Variants in GPRC6A observed in about 807,000 individuals in gnomAD.
GPRC6A encodes the protein G protein-coupled receptor class C group 6 member A.
A neutral mutation model predicts 47.0 loss-of-function variants in GPRC6A; 54 were observed. The ratio of observed to expected loss-of-function variants is 1.15; its 90% confidence interval spans 0.92 to 1.44. The LOEUF (loss-of-function observed/expected upper bound fraction) is 1.44, where lower values mean the gene tolerates loss of function less well. Ranked by LOEUF, GPRC6A falls within the 40% of genes most tolerant of loss-of-function variation. GPRC6A has a pLI of 0.00. For missense variants in GPRC6A, 1,112 were observed against 1,105.5 expected, an observed-to-expected ratio of 1.01 and a Z score of -0.08; for synonymous variants, 347 against 377.1, an observed-to-expected ratio of 0.92 and a Z score of 0.93.
At chr6:116,816,841 C>T (rs1380917632) in intron 1 of GPRC6A, among the ~76,000 whole-genome samples, 8 of 152,272 alleles carry the variant, frequency 5.3e-5, no homozygotes, top group East Asian at 1.9e-4. Context: ...GCTTAAAAAA[C>T]GGCGCACTAC....
chr6:116,829,110 A>G, upstream of GPRC6A: 1 of 1,469,572 alleles, frequency 6.8e-7, no homozygotes, highest in Non-Finnish European at 9.1e-7. Flanking sequence ...AACACCTTAT[A>G]AGGTATAGGA....
chr6:116,814,235 C>T (rs968313653), intron 1 of GPRC6A, among the ~76,000 whole-genome samples: 3 of 152,168 alleles, frequency 2.0e-5, no homozygotes, highest in Admixed American at 6.5e-5. Flanking sequence ...ATCATTTGAC[C>T]TAGCAATCTC....
chr6:116,807,935 G>A (rs1772906449), intron 2 of GPRC6A, among the ~76,000 whole-genome samples: 7 of 151,808 alleles, frequency 4.6e-5, no homozygotes, highest in Admixed American at 3.9e-4. Context: ...ACCTTCTATA[G>A]ATGCAATAGT....
chr6:116,816,075 C>G (rs1346536761), intron 1 of GPRC6A, among the ~76,000 whole-genome samples: 1 of 152,194 alleles, frequency 6.6e-6, no homozygotes, highest in East Asian at 1.9e-4. Flanking sequence ...ATGTAACACA[C>G]TTTTATATTC....
chr6:116,805,504 C>T (rs1295440912), intron 3 of GPRC6A, among the ~76,000 whole-genome samples: 1 of 152,018 alleles, frequency 6.6e-6, no homozygotes, highest in Non-Finnish European at 1.5e-5. Context: ...TGCCTCAGGA[C>T]ATACAAGTTT....
rs185709000 is a variant in GPRC6A, at chr6:116,809,510, T to C, written c.302A>G (p.Asp101Gly). ...TGCCACTGTGACTTCTGTACAAGTGTCATAGATTTCATACCCCAGTTTGAC... is the reference window on the plus strand; with the variant it reads ...TGCCACTGTGACTTCTGTACAAGTGCCATAGATTTCATACCCCAGTTTGAC... ...PGVKLGYEIYDTCTEVTVAMA... is the reference protein window; with the variant it reads ...PGVKLGYEIYGTCTEVTVAMA... Residue 101 changes from aspartate (D) to glycine (G), a missense_variant, in exon 2 of 6, where the codon GAC becomes GGC. Transcript: ENST00000310357. 15 of 1,613,490 alleles carry C rather than the reference T, an allele frequency of 9.3e-6. No individual in the cohort carries two copies. In the African/African-American group the frequency reaches 1.9e-4, roughly 20 times the overall value.
intron 1 of GPRC6A, among the ~76,000 whole-genome samples, chr6:116,816,949 G>C (rs1051863530): frequency 9.2e-5 from 14 of 152,298 alleles, no homozygotes; most frequent in Non-Finnish European, 1.8e-4. Context: ...AGGTGGCAGC[G>C]AGGCTGGGGG....
chr6:116,820,944 G>A (rs1302344251), intron 1 of GPRC6A, among the ~76,000 whole-genome samples: 1 of 152,092 alleles, frequency 6.6e-6, no homozygotes, highest in Non-Finnish European at 1.5e-5. Flanking sequence ...TGACATGATT[G>A]TATATCTAGA....
At chr6:116,819,697 A>G (rs1199251830) in intron 1 of GPRC6A, among the ~76,000 whole-genome samples, 4 of 152,276 alleles carry the variant, frequency 2.6e-5, no homozygotes, top group Admixed American at 6.5e-5. Flanking sequence ...TCTCTGGGAC[A>G]CATTCAAAGC....
intron 1 of GPRC6A, among the ~76,000 whole-genome samples, chr6:116,818,263 G>T (rs77568013): frequency 6.6e-6 from 1 of 151,708 alleles, no homozygotes; most frequent in Non-Finnish European, 1.5e-5. Context: ...GGCCGGGCGC[G>T]GTGGCTCACG....
At chr6:116,793,922 C>T (rs779623995) in intron 5 of GPRC6A, among the ~76,000 whole-genome samples, 16 of 152,084 alleles carry the variant, frequency 1.1e-4, no homozygotes, top group Non-Finnish European at 1.8e-4. Flanking sequence ...AAATTGTAAT[C>T]GATGGCAATT....
Position 116,792,715 on chromosome 6 carries a change from C to G in GPRC6A, c.2208G>C (p.Leu736Phe). 3 of 1,612,904 alleles carry G rather than the reference C, an allele frequency of 1.9e-6. No homozygotes were observed. Among genetic ancestry groups the G allele is most frequent in the Non-Finnish European group, 2.5e-6 (3 of 1,179,146 alleles). Residue 736 changes from leucine (L) to phenylalanine (F), a missense_variant, in exon 6 of 6, where the codon TTG becomes TTC. Coordinates refer to ENST00000310357, the MANE Select transcript of GPRC6A (RefSeq NM_148963.4). ...CACACTCCAGGATGATGACTCTGGG[C>G]AAGGAGACATTCACCTCTACAGTAG... ...AAPTVEVNVS[L>F]PRVIILECEE...
At chr6:116,823,977 C>G (rs970497321) in intron 1 of GPRC6A, among the ~76,000 whole-genome samples, 1 of 151,958 alleles carries the variant, frequency 6.6e-6, no homozygotes, top group African/African-American at 2.4e-5. Flanking sequence ...CTCCCATGAT[C>G]CAATCACCTC....
intron 1 of GPRC6A, among the ~76,000 whole-genome samples, chr6:116,821,306 T>C (rs1055581741): frequency 6.6e-6 from 1 of 152,136 alleles, no homozygotes; most frequent in African/African-American, 2.4e-5. Context: ...ACAGATTCAA[T>C]GCCATCCCCA....
At chr6:116,816,757 AGTCAAAGAAAGGGGAGACG>A (rs1470794081) in intron 1 of GPRC6A, among the ~76,000 whole-genome samples, 1 of 152,188 alleles carries the variant, frequency 6.6e-6, no homozygotes, top group African/African-American at 2.4e-5. Context: ...TCCCTTTCCG[AGTCAAAGAAAGGGGAGACG>A]GACGCACCTG....
rs1363951894 is a variant in GPRC6A at position 116,792,301 on chromosome 6, C to T, written c.2622G>A (p.Met874Ile). The T allele has an allele frequency of 3.7e-6, 6 of 1,613,910 alleles. No individual in the cohort carries two copies. The highest frequency in any genetic ancestry group is 5.1e-6 in the Non-Finnish European group (6 of 1,179,974). The stretch of plus-strand genomic sequence containing the variant: ...GATTGGTCATTGTGACATTGCCGCT[C>T]ATGGAGTCCAGTGAAGCAGGACTCA... ...IALSPASLDS[M>I]SGNVTMTNPS... is the part of the protein sequence containing the mutation. Residue 874 changes from methionine to isoleucine, a missense_variant, in exon 6 of 6, where the codon ATG (methionine) becomes ATA (isoleucine). Met to Ile is a conservative substitution (Grantham distance 10). Coordinates refer to ENST00000310357, the MANE Select transcript of GPRC6A (RefSeq NM_148963.4).
Position 116,793,264 on chromosome 6 carries a change from G to A in GPRC6A, c.1673-14C>T, listed in dbSNP as rs753539105. ...AGTGAGGCATATCTAAAAGACAGAG[G>A]AGACGCAGTTACATTGTCAACATTT... On this transcript the variant is annotated splice_polypyrimidine_tract_variant and intron_variant, in intron 5 of 5. Coordinates refer to ENST00000310357, the MANE Select transcript of GPRC6A (RefSeq NM_148963.4). 6.4e-6 allele frequency: 10 copies of A among 1,550,410 alleles called. No homozygotes were observed. Among genetic ancestry groups the A allele is most frequent in the African/African-American group, 2.8e-5 (2 of 72,576 alleles).
At position 116,809,057 on chromosome 6, in the gene GPRC6A, C is replaced by G. The variant is rs181213479; in HGVS notation, c.498+257G>C. Among the ~76,000 whole-genome samples the G allele has an allele frequency of 3.0e-4, 45 of 152,234 alleles. 1 individual carries two copies. The highest frequency in any genetic ancestry group is 1.0e-3 in the African/African-American group (43 of 41,546). Reference sequence around the variant, plus strand: ...CTTCAGCTGATCTAGCCAGATTGGCCTTTTTGCTATTCTTTGGGCATTCCA... The same window carrying G: ...CTTCAGCTGATCTAGCCAGATTGGCGTTTTTGCTATTCTTTGGGCATTCCA... On this transcript the variant is annotated intron_variant, in intron 2 of 5. Coordinates refer to ENST00000310357, the MANE Select transcript of GPRC6A (RefSeq NM_148963.4).
rs750719436 is a variant in GPRC6A, at chr6:116,807,135, G to A, written c.570C>T (p.Pro190=). The A allele has an allele frequency of 3.1e-6, 5 of 1,613,576 alleles. No individual in the cohort carries two copies. The highest frequency in any genetic ancestry group is 4.2e-6 in the Non-Finnish European group (5 of 1,179,680). ...TTGCTTTAATTTGATGGAAGTCACT[G>A]GGCACAGTCCGTAAAAATGAAGGAA... ...IRFPSFLRTV[P]SDFHQIKAMA... Residue 190 remains proline, a synonymous_variant, in exon 3 of 6, where the codon CCC becomes CCT. Coordinates refer to ENST00000310357, the MANE Select transcript of GPRC6A (RefSeq NM_148963.4).
Sources: gnomAD v4.1 joint callset for allele counts (sites outside exome capture counted in the v4.1 genomes callset) on GRCh38, gnomAD v4.1.1 for gene constraint, MANE v1.5 for transcripts, NCBI Gene and HGNC (gene_info 2026-07-23, HGNC 2026-07-21) for gene names.